The following ROBO1 variants were observed in gnomAD, a reference collection of about 807,000 sequenced individuals.
The protein encoded by ROBO1 is roundabout homolog 1.
In ROBO1, 149 loss-of-function variants were observed where a neutral mutation model predicts 195.9. The observed-to-expected ratio is 0.76, with a 90% confidence interval of 0.67 to 0.87. The LOEUF (loss-of-function observed/expected upper bound fraction) is 0.87. ROBO1 is among the 40% of genes least tolerant of loss of function. The pLI, the probability that ROBO1 is intolerant of heterozygous loss-of-function variation, is 0.00. For synonymous variants in ROBO1, 816 were observed against 733.2 expected, an observed-to-expected ratio of 1.11 and a Z score of -1.82; for missense variants, 1,933 against 2,068.3, an observed-to-expected ratio of 0.93 and a Z score of 1.27.
At chr3:79,039,779 GCT>G (rs2078449177) in intron 3 of ROBO1, among the ~76,000 whole-genome samples, 2 of 77,264 alleles carry the variant, frequency 2.6e-5, no homozygotes, top group South Asian at 9.4e-4. Flanking sequence ...TCCAGCCTGG[GCT>G]ACAAAGCAAG....
intron 3 of ROBO1, among the ~76,000 whole-genome samples, chr3:79,042,092 T>A (rs915093121): frequency 6.6e-6 from 1 of 152,172 alleles, no homozygotes. Context: ...TAAAAAAGGA[T>A]GAAGGCTACT....
At chr3:79,554,305 T>C (rs1283362758) in intron 2 of ROBO1, among the ~76,000 whole-genome samples, 3 of 152,050 alleles carry the variant, frequency 2.0e-5, no homozygotes. Context: ...AGTGGTAATT[T>C]ATCAATGTAA....
chr3:79,522,984 G>A (rs916439792), intron 2 of ROBO1, among the ~76,000 whole-genome samples: 4 of 152,092 alleles, frequency 2.6e-5, no homozygotes, highest in Admixed American at 6.6e-5. Flanking sequence ...ATTAGACAAA[G>A]CATTTATGAA....
At chr3:79,703,445 G>A (rs921636891) in intron 1 of ROBO1, among the ~76,000 whole-genome samples, 1 of 151,286 alleles carries the variant, frequency 6.6e-6, no homozygotes, top group Non-Finnish European at 1.5e-5. Flanking sequence ...TTAATGCCTG[G>A]GGTATAAAAA....
At chr3:79,729,924 A>G (rs1440951578) in intron 1 of ROBO1, among the ~76,000 whole-genome samples, 1 of 152,212 alleles carries the variant, frequency 6.6e-6, no homozygotes, top group Non-Finnish European at 1.5e-5. Flanking sequence ...AACATATTTT[A>G]TGGCCCATCC....
intron 2 of ROBO1, among the ~76,000 whole-genome samples, chr3:79,582,711 GC>G (rs1229773140): frequency 1.3e-5 from 2 of 151,876 alleles, no homozygotes; most frequent in Admixed American, 1.3e-4. Flanking sequence ...AGATAAAGCT[GC>G]CCAGCCAAGT....
intron 4 of ROBO1, among the ~76,000 whole-genome samples, chr3:78,783,710 C>T (rs953025381): frequency 6.6e-6 from 1 of 152,130 alleles, no homozygotes; most frequent in Non-Finnish European, 1.5e-5. Flanking sequence ...AAGGGTTTCA[C>T]CTTACGTCAC....
intron 1 of ROBO1, among the ~76,000 whole-genome samples, chr3:79,756,310 G>T (rs1480014835): frequency 1.3e-5 from 2 of 152,038 alleles, no homozygotes; most frequent in Non-Finnish European, 2.9e-5. Flanking sequence ...CCAGCACTTT[G>T]GGAGGCCAAG....
At chr3:79,625,888 G>T (rs928029664) in intron 1 of ROBO1, among the ~76,000 whole-genome samples, 27 of 152,086 alleles carry the variant, frequency 1.8e-4, no homozygotes. Context: ...TATCAAAACT[G>T]GGAAGAGACA....
At chr3:79,551,980 T>TAAAAAAAAAAAAA (rs771824432) in intron 2 of ROBO1, among the ~76,000 whole-genome samples, 3 of 44,262 alleles carry the variant, frequency 6.8e-5, no homozygotes, top group African/African-American at 9.2e-5. Context: ...TCTACAGAGT[T>TAAAAAAAAAAAAA]AAAAAAAAAA....
chr3:78,870,968 G>T (rs1378093438), intron 4 of ROBO1, among the ~76,000 whole-genome samples: 1 of 152,062 alleles, frequency 6.6e-6, no homozygotes, highest in Non-Finnish European at 1.5e-5. Flanking sequence ...ATTTTAAAGG[G>T]CAAGTAATAT....
chr3:79,420,459 C>G (rs1460762872), intron 2 of ROBO1, among the ~76,000 whole-genome samples: 1 of 152,020 alleles, frequency 6.6e-6, no homozygotes, highest in Non-Finnish European at 1.5e-5. Flanking sequence ...GCGTTATTTT[C>G]TAGGACCGTG....
intron 2 of ROBO1, among the ~76,000 whole-genome samples, chr3:79,145,436 A>G (rs183475843): frequency 3.0e-4 from 45 of 151,760 alleles, no homozygotes; most frequent in Admixed American, 2.4e-3. Flanking sequence ...TATTTTAAAA[A>G]CTTTATTATT....
chr3:78,931,276 T>C (rs2107647938), intron 4 of ROBO1, among the ~76,000 whole-genome samples: 1 of 144,876 alleles, frequency 6.9e-6, no homozygotes, highest in South Asian at 2.3e-4. Context: ...GTTTCACTCT[T>C]GTTGCCCAGG....
chr3:78,665,534 T>C (rs928163691), intron 14 of ROBO1, among the ~76,000 whole-genome samples: 1 of 152,212 alleles, frequency 6.6e-6, no homozygotes, highest in Non-Finnish European at 1.5e-5. Flanking sequence ...ATTCTCTTAT[T>C]TGGCATACTA....
At chr3:78,844,848 C>T (rs2033543860) in intron 4 of ROBO1, among the ~76,000 whole-genome samples, 1 of 152,042 alleles carries the variant, frequency 6.6e-6, no homozygotes. Context: ...GTAGGTAAAA[C>T]CTTGAAATTC....
chr3:78,808,710 A>C (rs889850947), intron 4 of ROBO1, among the ~76,000 whole-genome samples: 1 of 152,234 alleles, frequency 6.6e-6, no homozygotes, highest in East Asian at 1.9e-4. Context: ...ACAACCATCT[A>C]ATCTTTGAAA....
chr3:79,668,428 A>C (rs927309649), intron 1 of ROBO1, among the ~76,000 whole-genome samples: 8 of 147,638 alleles, frequency 5.4e-5, no homozygotes, highest in Admixed American at 1.3e-4. Flanking sequence ...GTGAAGCAAA[A>C]AAAAAAACAG....
intron 3 of ROBO1, among the ~76,000 whole-genome samples, chr3:79,024,893 T>C (rs2078174290): frequency 6.6e-6 from 1 of 152,132 alleles, no homozygotes; most frequent in African/African-American, 2.4e-5. Context: ...GTCACTGCAC[T>C]TCTAAGCTTT....
Sources: gnomAD v4.1 joint callset for allele counts (sites outside exome capture counted in the v4.1 genomes callset) on GRCh38, gnomAD v4.1.1 for gene constraint, MANE v1.5 for transcripts, NCBI Gene and HGNC (gene_info 2026-07-23, HGNC 2026-07-21) for gene names.